KPNA4: variants seen among roughly 807,000 people sequenced by gnomAD.
The protein encoded by KPNA4 is importin subunit alpha-3.
A neutral mutation model predicts 71.3 loss-of-function variants in KPNA4; 13 were observed. The ratio of observed to expected loss-of-function variants is 0.18; its 90% CI spans 0.12 to 0.29. The LOEUF (loss-of-function observed/expected upper bound fraction) is 0.29. Among genes scored for constraint, KPNA4 ranks in the 10% least tolerant of loss-of-function variants. The pLI, the probability that KPNA4 is intolerant of heterozygous loss-of-function variation, is 1.00. For synonymous variants in KPNA4, 189 were observed against 195.2 expected (o/e 0.97, Z 0.26); for missense variants, 334 against 603.2 (o/e 0.55, Z 4.67).
intron 1 of KPNA4, among the ~76,000 whole-genome samples, chr3:160,564,920 C>G (rs1560059178): frequency 6.8e-6 from 1 of 146,678 alleles, no homozygotes; most frequent in Non-Finnish European, 1.5e-5. Context: ...ACGCGCCGCG[C>G]CCGGCCTCCC....
At chr3:160,551,235 A>G (rs1027267068) in intron 1 of KPNA4, among the ~76,000 whole-genome samples, 1 of 152,226 alleles carries the variant, frequency 6.6e-6, no homozygotes, top group East Asian at 1.9e-4. Context: ...TATCCATTTC[A>G]TCTAGGTTAT....
At chr3:160,531,729 T>C (rs953828132) in intron 5 of KPNA4, among the ~76,000 whole-genome samples, 172 bp from the exon 6 acceptor site, 2 of 152,168 alleles carry the variant, frequency 1.3e-5, no homozygotes, top group African/African-American at 2.4e-5. Context: ...TAAAAAGATA[T>C]ACAAATTAAA....
chr3:160,542,057 G>C (rs954998940), intron 1 of KPNA4, among the ~76,000 whole-genome samples: 6 of 152,090 alleles, frequency 3.9e-5, no homozygotes, highest in Non-Finnish European at 4.4e-5. Context: ...TTAGAGAAAG[G>C]CATTCCAGGT....
chr3:160,555,747 T>G (rs1027713131), intron 1 of KPNA4, among the ~76,000 whole-genome samples: 1 of 152,164 alleles, frequency 6.6e-6, no homozygotes, highest in Non-Finnish European at 1.5e-5. Flanking sequence ...CTCCATTGTA[T>G]GCATATACCA....
chr3:160,514,498 T>C (rs1346898651), intron 12 of KPNA4, among the ~76,000 whole-genome samples: 1 of 152,172 alleles, frequency 6.6e-6, no homozygotes, highest in Non-Finnish European at 1.5e-5. Context: ...AATGAGCAAA[T>C]ATGAATAATG....
intron 1 of KPNA4, among the ~76,000 whole-genome samples, chr3:160,538,109 C>CTATA (rs1197331979): frequency 6.8e-6 from 1 of 148,084 alleles, no homozygotes; most frequent in Non-Finnish European, 1.5e-5. Context: ...CACACACACA[C>CTATA]TATATATATA....
At chr3:160,517,481 AG>A (rs1478709052) in intron 11 of KPNA4, among the ~76,000 whole-genome samples, 1 of 152,100 alleles carries the variant, frequency 6.6e-6, no homozygotes, top group Non-Finnish European at 1.5e-5. Flanking sequence ...TGTACCTAAG[AG>A]TAATTAATTG....
In KPNA4 at chr3:160,500,126, A is replaced by T. The variant is rs1490998607; in HGVS notation, c.*1978T>A. On this transcript the variant is annotated 3_prime_UTR_variant, in exon 17 of 17. Coordinates refer to ENST00000334256, the MANE Select transcript of KPNA4 (RefSeq NM_002268.5). The stretch of plus-strand genomic sequence containing the variant: ...CCATTGAATTATACTCTAACTTTAT[A>T]AAAAAAAAAAAATCCACACACCACA... 1.4e-5 allele frequency: 2 copies of T among 143,036 alleles called. No homozygotes were observed. The highest frequency in any genetic ancestry group is 3.1e-5 in the Non-Finnish European group (2 of 64,836). 8.9% of individuals were successfully genotyped at this position (143,036 alleles called of 1,614,324 possible).
chr3:160,557,873 G>A (rs1030941071), intron 1 of KPNA4, among the ~76,000 whole-genome samples: 3 of 152,062 alleles, frequency 2.0e-5, no homozygotes, highest in Non-Finnish European at 4.4e-5. Context: ...GTAGAGACAA[G>A]GTCTCACCAT....
chr3:160,508,246 A>G lies in KPNA4; in HGVS notation c.1233T>C (p.Asn411=), dbSNP rs749282735. The change falls in exon 15 of 17, where the codon AAT becomes AAC. Residue 411 remains asparagine, a synonymous_variant. Transcript: ENST00000334256. ...KDQVAYLIQQ[N]VIPPFCNLLT... is the part of the protein sequence containing the mutation. ...GCAAGTTGCAAAAAGGTGGGATAAC[A>G]TTTTGTTGGATAAGGTAAGCCACCT... 2 of 1,609,772 alleles carry G rather than the reference A, an allele frequency of 1.2e-6. No homozygotes were observed. The highest frequency in any genetic ancestry group is 1.7e-6 in the Non-Finnish European group (2 of 1,178,226).
At chr3:160,545,068 A>G (rs1721878397) in intron 1 of KPNA4, among the ~76,000 whole-genome samples, 1 of 152,236 alleles carries the variant, frequency 6.6e-6, no homozygotes, top group African/African-American at 2.4e-5. Flanking sequence ...AATATTCTTT[A>G]CACTGCATCA....
At chr3:160,508,797 T>C (rs538278176) in intron 14 of KPNA4, among the ~76,000 whole-genome samples, 7 of 152,182 alleles carry the variant, frequency 4.6e-5, no homozygotes, top group Non-Finnish European at 8.8e-5. Context: ...TAGGATTACA[T>C]GCATGAGCCA....
In KPNA4 at chr3:160,531,479, A is replaced by G; in HGVS notation, c.366T>C (p.Cys122=). Residue 122 remains cysteine, a synonymous_variant, in exon 6 of 17, where the codon TGT becomes TGC. Coordinates refer to ENST00000334256, the MANE Select transcript of KPNA4 (RefSeq NM_002268.5). Reference sequence around the variant, plus strand: ...GTACTCACTTGTCATCTCTTTCAAGACAATGGACTAAAATGGGCAATATTC... The same window carrying G: ...GTACTCACTTGTCATCTCTTTCAAGGCAATGGACTAAAATGGGCAATATTC... The part of the protein sequence containing the change: ...KSGILPILVH[C]LERDDNPSLQ... The G allele has an allele frequency of 6.4e-7, 1 of 1,568,220 alleles. No individual in the cohort carries two copies. The highest frequency in any genetic ancestry group is 8.7e-7 in the Non-Finnish European group (1 of 1,155,254).
Position 160,565,338 on chromosome 3 carries a change from ACGCGCCGCAC to A in KPNA4, c.-66_-57del. ...GGCCCCGCGGGATCCGCCCCAACCA[ACGCGCCGCAC>A]CGACACTCCCAGGAACCGGGCCGCC... On this transcript the variant is annotated 5_prime_UTR_variant, in exon 1 of 17. Coordinates refer to ENST00000334256, the MANE Select transcript of KPNA4 (RefSeq NM_002268.5). 2 of 1,421,014 alleles carry A rather than the reference ACGCGCCGCAC, an allele frequency of 1.4e-6. No homozygotes were observed. Among genetic ancestry groups the A allele is most frequent in the Non-Finnish European group, 1.9e-6 (2 of 1,031,624 alleles). 88.0% of individuals were successfully genotyped at this position (1,421,014 alleles called of 1,614,324 possible).
chr3:160,536,405 T>C (rs911604645), intron 2 of KPNA4, among the ~76,000 whole-genome samples: 3 of 152,118 alleles, frequency 2.0e-5, no homozygotes, highest in African/African-American at 7.2e-5. Context: ...TATTCTCAAC[T>C]ATAATACTTA....
intron 16 of KPNA4, among the ~76,000 whole-genome samples, chr3:160,504,720 A>G (rs1188986529): frequency 1.3e-5 from 2 of 152,140 alleles, no homozygotes; most frequent in African/African-American, 4.8e-5. Context: ...ATAAAGTCTG[A>G]CTCATCTCGT....
intron 8 of KPNA4, among the ~76,000 whole-genome samples, 157 bp from the exon 9 acceptor site, chr3:160,526,264 G>A (rs1028966925): frequency 6.6e-6 from 1 of 152,160 alleles, no homozygotes; most frequent in Non-Finnish European, 1.5e-5. Context: ...CAAGGTCTCT[G>A]AGCCAAGAGA....
Position 160,565,423 on chromosome 3 carries a change from T to A in KPNA4, c.-141A>T. 1.5e-6 allele frequency: 1 copy of A among 659,542 alleles called. No homozygotes were observed. Among genetic ancestry groups the A allele is most frequent in the Non-Finnish European group, 2.6e-6 (1 of 384,730 alleles). 40.9% of individuals were successfully genotyped at this position (659,542 alleles called of 1,614,324 possible). A position where few individuals can be genotyped will look rare whatever the true frequency, so the allele number is the denominator to read the frequency against. ...CCGCCGCTTCCTTCCTCCTCTCACC[T>A]GCCTCCGCCGCGGCCTTCTCCTCTC... On this transcript the variant is annotated 5_prime_UTR_variant, in exon 1 of 17. Coordinates refer to ENST00000334256, the MANE Select transcript of KPNA4 (RefSeq NM_002268.5).
At chr3:160,543,354 C>CA (rs1721844850) in intron 1 of KPNA4, among the ~76,000 whole-genome samples, 2 of 151,782 alleles carry the variant, frequency 1.3e-5, no homozygotes, top group Non-Finnish European at 2.9e-5. Context: ...TCATTTTTTT[C>CA]CCCCGAGACA....
Sources: gnomAD v4.1 joint callset for allele counts (sites outside exome capture counted in the v4.1 genomes callset) on GRCh38, gnomAD v4.1.1 for gene constraint, MANE v1.5 for transcripts, NCBI Gene and HGNC (gene_info 2026-07-23, HGNC 2026-07-21) for gene names.